The following CACNA1C variants were observed in gnomAD, a reference collection of about 807,000 sequenced individuals.
CACNA1C encodes voltage-dependent L-type calcium channel subunit alpha-1C.
Under a neutral mutation model 229.0 loss-of-function variants are expected in CACNA1C, and 30 were observed. The observed-to-expected ratio is 0.13, with a 90% CI of 0.10 to 0.18. The LOEUF (loss-of-function observed/expected upper bound fraction) is 0.18, where lower values mean the gene tolerates loss of function less well. CACNA1C is among the 10% of genes least tolerant of loss of function. The probability of loss-of-function intolerance (pLI) is 1.00; values close to 1 mark genes in which losing one functional copy is unlikely to be tolerated. For synonymous variants in CACNA1C, 1,114 were observed against 1,132.5 expected (o/e 0.98, Z 0.33); for missense variants, 1,658 against 2,845.0 (o/e 0.58, Z 9.49).
Position 2,597,321 on chromosome 12 carries a change from T to TC in CACNA1C, c.2853+37dup, listed in dbSNP as rs1453783692. 2.6e-6 allele frequency: 4 copies of TC among 1,563,178 alleles called. No homozygotes were observed. Among genetic ancestry groups the TC allele is most frequent in the Non-Finnish European group, 3.5e-6 (4 of 1,134,010 alleles). On this transcript the variant is annotated intron_variant, in intron 21 of 46. Coordinates refer to ENST00000399655, the MANE Select transcript of CACNA1C (RefSeq NM_000719.7). The surrounding 1 kb of genome is among the most constrained non-coding windows in gnomAD (Gnocchi z 4.3). ...CCCCCATCCCCTTCTGCTCCTCCTG[T>TC]CCCCCTTGTGCCAGCACCAGGTCTC...
chr12:2,004,414 T>G, intron 1 of CACNA1C: 1 of 1,610,474 alleles, frequency 6.2e-7, no homozygotes. Flanking sequence ...CCAGGCCGCC[T>G]GCCGCCACGG....
chr12:2,082,566 C>T (rs1196374318), intron 1 of CACNA1C, among the ~76,000 whole-genome samples: 1 of 152,188 alleles, frequency 6.6e-6, no homozygotes, highest in Non-Finnish European at 1.5e-5. Flanking sequence ...CTCTCTCCTG[C>T]CTCCTGTACA....
chr12:1,972,750 C>A (rs893507008), intron 1 of CACNA1C, among the ~76,000 whole-genome samples: 1 of 150,516 alleles, frequency 6.6e-6, no homozygotes, highest in African/African-American at 2.5e-5. Flanking sequence ...TGGAATTAGT[C>A]TTTTTAAACC....
chr12:2,179,571 A>G (rs949987955), intron 3 of CACNA1C, among the ~76,000 whole-genome samples: 3 of 152,238 alleles, frequency 2.0e-5, no homozygotes, highest in Admixed American at 2.0e-4. Flanking sequence ...CTATTGCGTT[A>G]GAAAATATTA....
chr12:2,020,529 GAGAAAGTGGACTACTTACGGCAGC>G (rs2046256679), intron 1 of CACNA1C: 1 of 152,218 alleles, frequency 6.6e-6, no homozygotes, highest in Non-Finnish European at 1.5e-5. Context: ...CGTGGAATGG[GAGAAAGTGGACTACTTACGGCAGC>G]AGAGGAGACA....
At chr12:2,276,137 C>G (rs1364725118) in intron 3 of CACNA1C, among the ~76,000 whole-genome samples, 1 of 151,810 alleles carries the variant, frequency 6.6e-6, no homozygotes, top group Non-Finnish European at 1.5e-5. Context: ...TACAGAGGGC[C>G]AACTGTATTT....
rs216044 is a variant in CACNA1C, at chr12:2,651,342, G to A, written c.3946-298G>A. ...GCCTATGGTAGTTCCTGATGGAGTC[G>A]TCTGTCCTCCATCCAGGGCATTAAG... On this transcript the variant is annotated intron_variant, in intron 31 of 46. Coordinates refer to ENST00000399655, the MANE Select transcript of CACNA1C (RefSeq NM_000719.7). The surrounding 1 kb of genome is among the most constrained non-coding windows in gnomAD (Gnocchi z 5.4). The A allele has an allele frequency of 0.3, 151,675 of 506,024 alleles. 25,023 individuals carry two copies. The highest frequency in any genetic ancestry group is 0.53 in the African/African-American group (27,464 of 52,166). 31.3% of individuals were successfully genotyped at this position (506,024 alleles called of 1,614,324 possible).
Position 2,388,371 on chromosome 12 carries a change from G to C in CACNA1C, c.478-60605G>C, listed in dbSNP as rs549029586. On this transcript the variant is annotated intron_variant, in intron 3 of 46. Transcript: ENST00000399655. ...GGTGATGGATTAGTTGATCACCTTG[G>C]TTGTGGTAAGCACTTCATAGTGTAT... Among the ~76,000 whole-genome samples the C allele has an allele frequency of 2.4e-4, 37 of 152,310 alleles. No homozygotes were observed. The South Asian group carries it at 7.7e-3, about 32-fold the overall frequency.
At position 2,013,835 on chromosome 12, in the gene CACNA1C, T is replaced by C. The variant is rs1455032262; in HGVS notation, c.139+42634T>C. Among the ~76,000 whole-genome samples, 9 of 152,334 alleles carry C rather than the reference T, an allele frequency of 5.9e-5. No individual in the cohort carries two copies. In the South Asian group the frequency reaches 6.2e-4, roughly 11 times the overall value. ...TTTATTTTTGTGCTTGTTGTGAGTA[T>C]TGCTGAAAGAGCTCTTAGAAACACT... On this transcript the variant is annotated intron_variant, in intron 1 of 46. Transcript: ENST00000682462.
Position 2,691,250 on chromosome 12 carries a change from G to T in CACNA1C, c.*51G>T. The T allele has an allele frequency of 6.8e-7, 1 of 1,479,136 alleles. No individual in the cohort carries two copies. The allele number at this position is 1,479,136 out of a possible 1,614,324, so 91.6% of individuals were successfully genotyped here. A position where few individuals can be genotyped will look rare whatever the true frequency, so the allele number is the denominator to read the frequency against. On this transcript the variant is annotated 3_prime_UTR_variant, in exon 47 of 47. Transcript: ENST00000399655. ...TTTTATTTGTTTCAATGTTCCTAAT[G>T]GGTTCGTTTCAGAAGTGCCTCACTG...
At chr12:2,338,219 G>A (rs1414410339) in intron 3 of CACNA1C, among the ~76,000 whole-genome samples, 1 of 152,158 alleles carries the variant, frequency 6.6e-6, no homozygotes, top group East Asian at 1.9e-4. Context: ...CCTCCTTGAT[G>A]TCTGGCAAGG....
chr12:2,206,893 T>G (rs902251834), intron 3 of CACNA1C, among the ~76,000 whole-genome samples: 1 of 152,266 alleles, frequency 6.6e-6, no homozygotes, highest in East Asian at 1.9e-4. Context: ...TCGTATTTTA[T>G]ACACATATTT....
At chr12:2,554,678 C>T (rs1410372382) in intron 10 of CACNA1C, among the ~76,000 whole-genome samples, 1 of 152,176 alleles carries the variant, frequency 6.6e-6, no homozygotes, top group Admixed American at 6.5e-5. Flanking sequence ...CAGCCCAGAA[C>T]CCTGGGCCAC....
In CACNA1C at chr12:2,467,133, G is replaced by A. The variant is rs1056270467; in HGVS notation, c.757+9427G>A. ...TGGAGGCTGCCTGGTCCCCCTGCCCGCCCATCGGAGATGGTCCCTACAACA... is the reference window on the plus strand; with the variant it reads ...TGGAGGCTGCCTGGTCCCCCTGCCCACCCATCGGAGATGGTCCCTACAACA... On this transcript the variant is annotated intron_variant, in intron 5 of 46. Coordinates refer to ENST00000399655, the MANE Select transcript of CACNA1C (RefSeq NM_000719.7). The surrounding 1 kb of genome is among the most constrained non-coding windows in gnomAD (Gnocchi z 4.6). Among the ~76,000 whole-genome samples, 5 of 151,996 alleles carry A rather than the reference G, an allele frequency of 3.3e-5. No individual in the cohort carries two copies. Among genetic ancestry groups the A allele is most frequent in the Admixed American group, 6.5e-5 (1 of 15,274 alleles).
chr12:2,027,742 C>G (rs1052788094), intron 1 of CACNA1C, among the ~76,000 whole-genome samples: 1 of 152,182 alleles, frequency 6.6e-6, no homozygotes, highest in African/African-American at 2.4e-5. Context: ...TCCAATTATT[C>G]ATTGACCAAG....
chr12:2,285,000 G>A (rs1003408419), intron 3 of CACNA1C, among the ~76,000 whole-genome samples: 1 of 152,140 alleles, frequency 6.6e-6, no homozygotes, highest in South Asian at 2.1e-4. Context: ...TTCAGTGAGC[G>A]GGGCCTGGGG....
intron 1 of CACNA1C, among the ~76,000 whole-genome samples, chr12:2,109,025 G>A (rs2080448284): frequency 6.6e-6 from 1 of 152,194 alleles, no homozygotes; most frequent in Non-Finnish European, 1.5e-5. Flanking sequence ...AGGACTTTAG[G>A]GAGAAATTTA....
intron 3 of CACNA1C, among the ~76,000 whole-genome samples, chr12:2,439,921 G>A (rs1379470334): frequency 6.6e-6 from 1 of 152,006 alleles, no homozygotes; most frequent in African/African-American, 2.4e-5. Context: ...GGAGCAGCAG[G>A]CACCTTCTAG....
intron 10 of CACNA1C, 102 bp downstream of exon 10, chr12:2,550,135 G>A: frequency 1.2e-6 from 1 of 846,734 alleles, no homozygotes; most frequent in Non-Finnish European, 1.9e-6. Context: ...ACTAGGAAGG[G>A]CAGAGATTAG....
Sources: allele counts gnomAD v4.1 joint callset (sites outside exome capture counted in the v4.1 genomes callset), GRCh38; gene constraint gnomAD v4.1.1; non-coding constraint Gnocchi (gnomAD v3.1); transcripts MANE v1.5; gene names NCBI Gene and HGNC (gene_info 2026-07-23, HGNC 2026-07-21).